The following MTERF4 variants were observed in gnomAD, a reference collection of about 807,000 sequenced individuals.
The protein encoded by MTERF4 is mitochondrial transcription termination factor 4, also known as transcription termination factor 4, mitochondrial.
A neutral mutation model predicts 22.5 loss-of-function variants in MTERF4; 17 were observed. That is an observed-to-expected ratio of 0.75 (90% CI 0.52 to 1.13). MTERF4 has a LOEUF of 1.13. MTERF4 is among the 50% of genes most tolerant of loss of function. MTERF4 has a pLI of 0.00. For synonymous variants in MTERF4, 165 were observed against 175.3 expected, an observed-to-expected ratio of 0.94 and a Z score of 0.47; for missense variants, 420 against 466.8, an observed-to-expected ratio of 0.90 and a Z score of 0.92.
At chr2:241,100,315 T>G (rs911773777) in intron 1 of MTERF4, among the ~76,000 whole-genome samples, 1 of 152,232 alleles carries the variant, frequency 6.6e-6, no homozygotes, top group South Asian at 2.1e-4. Flanking sequence ...GGGTTTGAAC[T>G]GCTTGGATCC....
At chr2:241,090,178 C>A, downstream of MTERF4, 1 of 1,463,274 alleles carries the variant, frequency 6.8e-7, no homozygotes, top group Non-Finnish European at 9.1e-7. Context: ...TGTTTTCTGT[C>A]CTTAGTGCTT....
At chr2:241,076,672 C>T (rs2063034250) in intron 4 of MTERF4, among the ~76,000 whole-genome samples, 1 of 151,852 alleles carries the variant, frequency 6.6e-6, no homozygotes, top group Non-Finnish European at 1.5e-5. Flanking sequence ...TCAAGACTAG[C>T]CTGGCCAACA....
chr2:241,060,890 G>A, the MTERF4 span, among the ~76,000 whole-genome samples: 10 of 152,016 alleles, frequency 6.6e-5, no homozygotes, highest in Non-Finnish European at 1.5e-4. Flanking sequence ...TGATTGCACC[G>A]CTGCATTCCA....
chr2:241,081,877 C>G, intron 4 of MTERF4: 5 of 1,033,034 alleles, frequency 4.8e-6, no homozygotes, highest in Non-Finnish European at 7.3e-6. Flanking sequence ...GCTGGGTTTG[C>G]CACGGGAGCC....
intron 4 of MTERF4, among the ~76,000 whole-genome samples, chr2:241,078,658 G>GT (rs1044135803): frequency 6.6e-6 from 1 of 151,840 alleles, no homozygotes; most frequent in African/African-American, 2.4e-5. Context: ...GGGGAAGGCA[G>GT]TAACAGCTAA....
downstream of MTERF4, among the ~76,000 whole-genome samples, chr2:241,068,600 C>G (rs2062566719): frequency 6.6e-6 from 1 of 152,046 alleles, no homozygotes; most frequent in Admixed American, 6.5e-5. The surrounding 1 kb of genome is among the most constrained non-coding windows in gnomAD (Gnocchi z 5.3). Flanking sequence ...GCCCGTCCCC[C>G]ATCCCTGCAC....
downstream of MTERF4, chr2:241,089,907 T>C: frequency 1.3e-6 from 2 of 1,526,440 alleles, no homozygotes; most frequent in African/African-American, 2.8e-5. Flanking sequence ...CGTAACACAG[T>C]GCCAAGTGTG....
At chr2:241,051,696 G>A in the MTERF4 span, 1 of 1,387,146 alleles carries the variant, frequency 7.2e-7, no homozygotes, top group Non-Finnish European at 9.6e-7. The surrounding 1 kb of genome is among the most constrained non-coding windows in gnomAD (Gnocchi z 4.7). Context: ...GGCTCTGTGG[G>A]GCCAGCAGCC....
At chr2:241,048,336 C>A in the MTERF4 span, 1 of 1,609,182 alleles carries the variant, frequency 6.2e-7, no homozygotes, top group South Asian at 1.1e-5. Context: ...GTGCCAGACG[C>A]CTGCCTCTCG....
chr2:241,046,923 T>C, the MTERF4 span, among the ~76,000 whole-genome samples: 1 of 152,058 alleles, frequency 6.6e-6, no homozygotes, highest in African/African-American at 2.4e-5. Context: ...GGCAGGCGGA[T>C]CACGAGGTCA....
intron 3 of MTERF4, 21 bp downstream of exon 3, chr2:241,097,222 C>T (rs924509496): frequency 4.3e-6 from 7 of 1,611,654 alleles, no homozygotes; most frequent in Non-Finnish European, 5.9e-6. Flanking sequence ...CTACGCTAAT[C>T]ACGCTATCAG....
At chr2:241,045,685 C>A in the MTERF4 span, among the ~76,000 whole-genome samples, 1 of 146,928 alleles carries the variant, frequency 6.8e-6, no homozygotes, top group Admixed American at 6.8e-5. Context: ...AAAACATAAA[C>A]TATAAGATTT....
chr2:241,058,673 G>A, the MTERF4 span, among the ~76,000 whole-genome samples: 13 of 152,148 alleles, frequency 8.5e-5, no homozygotes, highest in South Asian at 2.1e-4. Context: ...AAATTGGGCC[G>A]GGCGCGGTGG....
downstream of MTERF4, chr2:241,071,521 G>A (rs758611481): frequency 2.6e-6 from 4 of 1,546,768 alleles, no homozygotes; most frequent in Middle Eastern, 2.0e-4. Flanking sequence ...ACAGGGGCAG[G>A]GACAGGAGCA....
At chr2:241,070,347 T>C, downstream of MTERF4, 14 of 901,530 alleles carry the variant, frequency 1.6e-5, no homozygotes, top group Non-Finnish European at 2.0e-5. Flanking sequence ...GGAGTCTGTG[T>C]ATGAAAGTGG....
the MTERF4 span, among the ~76,000 whole-genome samples, chr2:241,060,926 T>C: frequency 6.6e-6 from 1 of 150,642 alleles, no homozygotes; most frequent in East Asian, 2.0e-4. Flanking sequence ...TGAGACCCTG[T>C]CTCAAAAAAA....
chr2:241,050,271 CA>C, the MTERF4 span, among the ~76,000 whole-genome samples: 1 of 152,210 alleles, frequency 6.6e-6, no homozygotes, highest in African/African-American at 2.4e-5. Flanking sequence ...TCTAATTCAG[CA>C]TGGAAAATGT....
rs889918971 is a variant in MTERF4, at chr2:241,076,958, G to A, written n.480-1276C>T. Among the ~76,000 whole-genome samples, 120 of 152,078 alleles carry A rather than the reference G, an allele frequency of 7.9e-4. 1 individual carries two copies. The highest frequency in any genetic ancestry group is 2.2e-3 in the Admixed American group (33 of 15,244). The stretch of plus-strand genomic sequence containing the variant: ...GCTGGGCATGGTGGCGGGCGCCTGT[G>A]GTCCCAGCTACTCCGGAGGCTGAGG... On this transcript the variant is annotated intron_variant and non_coding_transcript_variant, in intron 4 of 4. Transcript: ENST00000464344.
the MTERF4 span, chr2:241,048,666 C>A: frequency 6.2e-7 from 1 of 1,608,900 alleles, no homozygotes. Flanking sequence ...TGGCAGGAGT[C>A]CCCGATGACT....
Sources: gnomAD v4.1 joint callset for allele counts (sites outside exome capture counted in the v4.1 genomes callset) on GRCh38, gnomAD v4.1.1 for gene constraint, Gnocchi (gnomAD v3.1) non-coding constraint, MANE v1.5 for transcripts, NCBI Gene and HGNC (gene_info 2026-07-23, HGNC 2026-07-21) for gene names.